The following MYO3B variants were observed in gnomAD, a reference collection of about 807,000 sequenced individuals.
MYO3B encodes the protein myosin-IIIb.
A neutral mutation model predicts 174.6 loss-of-function variants in MYO3B; 156 were observed. The ratio of observed to expected loss-of-function variants is 0.89; its 90% CI spans 0.78 to 1.02. MYO3B has a LOEUF of 1.02. MYO3B is among the 50% of genes least tolerant of loss of function. MYO3B has a pLI of 0.00. For missense variants in MYO3B, 1,632 were observed against 1,639.4 expected (o/e 1.00, Z 0.08); for synonymous variants, 563 against 569.1 (o/e 0.99, Z 0.15).
At position 170,566,000 on chromosome 2, in the gene MYO3B, C is replaced by G. The variant is rs188005685; in HGVS notation, c.3733+22012C>G. ...CAAATGCTTTTCCCATAACACACCT[C>G]AAAAATCCCCAAACCTTTGTTGCAA... On this transcript the variant is annotated intron_variant, in intron 32 of 34. Transcript: ENST00000408978. 1.7e-3 allele frequency among the ~76,000 whole-genome samples: 262 copies of G among 152,272 alleles called. 3 individuals are homozygous for G. Among genetic ancestry groups the G allele is most frequent in the Admixed American group, 0.016 (242 of 15,300 alleles).
At chr2:170,473,825 T>C (rs1685139750) in intron 25 of MYO3B, among the ~76,000 whole-genome samples, 1 of 152,134 alleles carries the variant, frequency 6.6e-6, no homozygotes, top group African/African-American at 2.4e-5. Flanking sequence ...TCCAGCTTCT[T>C]CTCTCTCATC....
At chr2:170,231,547 G>A (rs944642941) in intron 6 of MYO3B, among the ~76,000 whole-genome samples, 2 of 152,184 alleles carry the variant, frequency 1.3e-5, no homozygotes, top group African/African-American at 2.4e-5. Context: ...TAGTCTAACT[G>A]TACCAGAAGA....
chr2:170,498,617 C>T lies in MYO3B; in HGVS notation c.3040C>T (p.His1014Tyr). The T allele has an allele frequency of 6.2e-7, 1 of 1,613,920 alleles. No homozygotes were observed. The stretch of plus-strand genomic sequence containing the variant: ...GTATTATTACTTGGCATTCACAGCA[C>T]ATCAAACACCTCTTGCTAGCAAAGA... ...KRYYYLAFTA[H>Y]QTPLASKESC... Residue 1014 changes from histidine to tyrosine, a missense_variant, in exon 26 of 35, where the codon CAT (histidine) becomes TAT (tyrosine). Physicochemically the swap from His to Tyr is moderately conservative, Grantham distance 83. Transcript: ENST00000408978.
chr2:170,193,646 TTTG>T (rs1057014732), intron 1 of MYO3B, among the ~76,000 whole-genome samples: 33 of 152,166 alleles, frequency 2.2e-4, no homozygotes, highest in African/African-American at 7.2e-4. Flanking sequence ...GTGTGCTTTT[TTTG>T]TTGTTATGTC....
At position 170,382,094 on chromosome 2, in the gene MYO3B, C is replaced by T. The variant is rs1307426202; in HGVS notation, c.1050C>T (p.Asn350=). The T allele has an allele frequency of 4.3e-6, 7 of 1,613,010 alleles. No individual in the cohort carries two copies. In the East Asian group the frequency reaches 1.6e-4, roughly 36 times the overall value. ...EKYCLEDDLV[N]LEVLDEDTII... ...ACTGCCTTGAGGATGATTTGGTCAA[C>T]CTAGAGGTTCTGGATGAGGTACTAA... Residue 350 remains asparagine, a synonymous_variant, in exon 10 of 35, where the codon AAC becomes AAT. Coordinates refer to ENST00000408978, the MANE Select transcript of MYO3B (RefSeq NM_138995.5).
Position 170,508,291 on chromosome 2 carries a change from C to T in MYO3B, c.3370+6426C>T, listed in dbSNP as rs1230842060. ...GCCACCTCAACACAGAATGAAACAACATTATTATGATCGATTACACACTTG... is the reference window on the plus strand; with the variant it reads ...GCCACCTCAACACAGAATGAAACAATATTATTATGATCGATTACACACTTG... On this transcript the variant is annotated intron_variant, in intron 28 of 34. Coordinates refer to ENST00000408978, the MANE Select transcript of MYO3B (RefSeq NM_138995.5). Among the ~76,000 whole-genome samples, 9 of 152,182 alleles carry T rather than the reference C, an allele frequency of 5.9e-5. 1 individual carries two copies. The highest frequency in any genetic ancestry group is 5.9e-4 in the Admixed American group (9 of 15,282).
chr2:170,393,053 A>G (rs1222137424), intron 16 of MYO3B, among the ~76,000 whole-genome samples: 1 of 150,874 alleles, frequency 6.6e-6, no homozygotes, highest in Non-Finnish European at 1.5e-5. Flanking sequence ...ACAGTTGCAC[A>G]TTATTAACTA....
intron 28 of MYO3B, among the ~76,000 whole-genome samples, chr2:170,514,139 G>A (rs897359975): frequency 2.0e-5 from 3 of 152,188 alleles, no homozygotes; most frequent in African/African-American, 4.8e-5. Context: ...TGTAGTTTCT[G>A]TCTAAAGTCA....
chr2:170,499,887 C>A, intron 27 of MYO3B, 79 bp downstream of exon 27: 1 of 1,401,494 alleles, frequency 7.1e-7, no homozygotes, highest in South Asian at 1.4e-5. Context: ...AACTGTTTCT[C>A]TTCTAAGTGG....
chr2:170,357,325 A>T lies in MYO3B; in HGVS notation c.816-11897A>T, dbSNP rs564561209. ...CATCTCAAAAAAAATAAAAATAAAAATAAATAATATATATTATATATATAT... is the reference window on the plus strand; with the variant it reads ...CATCTCAAAAAAAATAAAAATAAAATTAAATAATATATATTATATATATAT... On this transcript the variant is annotated intron_variant, in intron 8 of 34. Transcript: ENST00000408978. Among the ~76,000 whole-genome samples, 87 of 137,076 alleles carry T rather than the reference A, an allele frequency of 6.3e-4. No homozygotes were observed. In the South Asian group the frequency reaches 0.02, roughly 32 times the overall value. The allele number at this position is 137,076 out of a possible 152,430, so 89.9% of individuals were successfully genotyped here.
At chr2:170,207,305 T>C (rs997582281) in intron 3 of MYO3B, among the ~76,000 whole-genome samples, 1 of 152,110 alleles carries the variant, frequency 6.6e-6, no homozygotes, top group Non-Finnish European at 1.5e-5. Flanking sequence ...GGGGCCATCA[T>C]CCGAGGCTCC....
At chr2:170,322,428 C>G (rs2093835245) in intron 7 of MYO3B, among the ~76,000 whole-genome samples, 1 of 152,180 alleles carries the variant, frequency 6.6e-6, no homozygotes, top group Non-Finnish European at 1.5e-5. Flanking sequence ...ATAATCCATT[C>G]AGTAGCAATT....
intron 18 of MYO3B, among the ~76,000 whole-genome samples, chr2:170,402,041 G>T (rs1459395905): frequency 1.3e-5 from 2 of 152,188 alleles, no homozygotes; most frequent in Non-Finnish European, 2.9e-5. Flanking sequence ...AGAGGCAAAG[G>T]ACTGAAGGAG....
At chr2:170,524,165 TC>T (rs1161307268) in intron 30 of MYO3B, among the ~76,000 whole-genome samples, 1 of 152,142 alleles carries the variant, frequency 6.6e-6, no homozygotes, top group African/African-American at 2.4e-5. Flanking sequence ...CAGTTTTTTT[TC>T]CCCCCACATT....
chr2:170,623,960 A>G (rs760416216), intron 32 of MYO3B, among the ~76,000 whole-genome samples: 38 of 151,974 alleles, frequency 2.5e-4, no homozygotes, highest in Non-Finnish European at 5.0e-4. Context: ...GTACCATGCT[A>G]TTTTGGTTAC....
intron 25 of MYO3B, among the ~76,000 whole-genome samples, chr2:170,470,182 A>T (rs1327694427): frequency 6.6e-6 from 1 of 152,000 alleles, no homozygotes; most frequent in Admixed American, 6.6e-5. Flanking sequence ...AGTTGTATAA[A>T]CATGACTACC....
intron 7 of MYO3B, among the ~76,000 whole-genome samples, chr2:170,238,149 C>T (rs1023977821): frequency 2.0e-5 from 3 of 152,154 alleles, no homozygotes; most frequent in Admixed American, 2.0e-4. Context: ...GCACAGTTCT[C>T]TTTGAAGGGT....
intron 20 of MYO3B, 111 bp from the exon 21 acceptor site, chr2:170,405,434 G>A: frequency 4.7e-6 from 4 of 848,332 alleles, no homozygotes; most frequent in Non-Finnish European, 7.7e-6. Flanking sequence ...TAATATCAAG[G>A]CCTTATTCTG....
chr2:170,388,585 G>A (rs1359995657), intron 14 of MYO3B, among the ~76,000 whole-genome samples: 2 of 152,144 alleles, frequency 1.3e-5, no homozygotes, highest in East Asian at 1.9e-4. Context: ...AAGCAGGGGA[G>A]TCACCATACC....
Sources: allele counts gnomAD v4.1 joint callset (sites outside exome capture counted in the v4.1 genomes callset), GRCh38; gene constraint gnomAD v4.1.1; transcripts MANE v1.5; gene names NCBI Gene and HGNC (gene_info 2026-07-23, HGNC 2026-07-21).